The following SPATS2L variants were observed in gnomAD, a reference collection of about 807,000 sequenced individuals.
SPATS2L encodes SPATS2-like protein.
A neutral mutation model predicts 59.6 loss-of-function variants in SPATS2L; 30 were observed. The observed-to-expected ratio is 0.50, with a 90% confidence interval of 0.38 to 0.68. The LOEUF is 0.68. Among genes scored for constraint, SPATS2L ranks in the 30% least tolerant of loss-of-function variants. The pLI, the probability that SPATS2L is intolerant of heterozygous loss-of-function variation, is 0.00. For missense variants in SPATS2L, 615 were observed against 700.0 expected, an observed-to-expected ratio of 0.88 and a Z score of 1.37; for synonymous variants, 252 against 263.5, an observed-to-expected ratio of 0.96 and a Z score of 0.42.
chr2:200,476,848 T>C (rs761203663), intron 12 of SPATS2L, among the ~76,000 whole-genome samples: 34 of 152,340 alleles, frequency 2.2e-4, no homozygotes, highest in Non-Finnish European at 3.4e-4. Context: ...TCAGGTCATA[T>C]GAACAAATTG....
intron 12 of SPATS2L, 108 bp from the exon 13 acceptor site, chr2:200,477,515 TAAAAAAAAAAAAA>T (rs59073895): frequency 9.9e-6 from 3 of 302,716 alleles, no homozygotes; most frequent in African/African-American, 4.3e-5. Flanking sequence ...TTCTGGTGTA[TAAAAAAAAAAAAA>T]AAAAAAAAAA....
At position 200,478,050 on chromosome 2, in the gene SPATS2L, A is replaced by C; in HGVS notation, c.*19A>C. On this transcript the variant is annotated 3_prime_UTR_variant, in exon 13 of 13. Transcript: ENST00000409140. ...GGCCTGAGCTAGGAGGAAAAAGAGCAGTTTTCACTCAGTTTTGGTTCCCTG... is the reference window on the plus strand; with the variant it reads ...GGCCTGAGCTAGGAGGAAAAAGAGCCGTTTTCACTCAGTTTTGGTTCCCTG... 1 of 1,522,772 alleles carries C rather than the reference A, an allele frequency of 6.6e-7. No individual in the cohort carries two copies. Among genetic ancestry groups the C allele is most frequent in the Non-Finnish European group, 8.8e-7 (1 of 1,137,182 alleles). 94.3% of individuals were successfully genotyped at this position (1,522,772 alleles called of 1,614,324 possible).
intron 2 of SPATS2L, among the ~76,000 whole-genome samples, chr2:200,336,803 T>A (rs1308820336): frequency 1.3e-5 from 2 of 152,222 alleles, no homozygotes; most frequent in African/African-American, 4.8e-5. Context: ...CCTGACAAGT[T>A]CTAAATGTTA....
chr2:200,427,292 T>G (rs538050450), intron 6 of SPATS2L, among the ~76,000 whole-genome samples: 117 of 152,146 alleles, frequency 7.7e-4, no homozygotes, highest in African/African-American at 2.6e-3. Context: ...ATTGTATACC[T>G]ATATCAAAAT....
At chr2:200,458,979 G>A (rs1304192101) in intron 8 of SPATS2L, among the ~76,000 whole-genome samples, 2 of 152,092 alleles carry the variant, frequency 1.3e-5, no homozygotes, top group Non-Finnish European at 2.9e-5. Flanking sequence ...ACAGCTCCCT[G>A]CCTTTTTGCT....
intron 3 of SPATS2L, among the ~76,000 whole-genome samples, chr2:200,411,030 T>C (rs562202450): frequency 9.4e-5 from 14 of 148,428 alleles, no homozygotes; most frequent in South Asian, 2.1e-4. Flanking sequence ...TATATATATA[T>C]ACATATATAT....
At chr2:200,317,913 G>GT (rs1329357340) in intron 1 of SPATS2L, among the ~76,000 whole-genome samples, 1 of 152,220 alleles carries the variant, frequency 6.6e-6, no homozygotes, top group Non-Finnish European at 1.5e-5. Flanking sequence ...TGTTGGAGCA[G>GT]TTTTTTCCTT....
chr2:200,357,999 A>G (rs2080972958), intron 2 of SPATS2L, among the ~76,000 whole-genome samples: 1 of 152,142 alleles, frequency 6.6e-6, no homozygotes, highest in African/African-American at 2.4e-5. Context: ...TTAAGCAGCT[A>G]CTGTTCTGTC....
chr2:200,359,122 C>A (rs1189260078), intron 2 of SPATS2L, among the ~76,000 whole-genome samples: 3 of 152,158 alleles, frequency 2.0e-5, no homozygotes, highest in African/African-American at 7.2e-5. Flanking sequence ...GGATAAAAAA[C>A]TTCAAGAAAT....
intron 2 of SPATS2L, among the ~76,000 whole-genome samples, chr2:200,352,022 T>A (rs1282612052): frequency 6.6e-6 from 1 of 152,126 alleles, no homozygotes; most frequent in Non-Finnish European, 1.5e-5. Context: ...AGTTTCCCAT[T>A]TCAGTGTACA....
At chr2:200,396,432 T>G (rs2082356687) in intron 3 of SPATS2L, among the ~76,000 whole-genome samples, 1 of 152,164 alleles carries the variant, frequency 6.6e-6, no homozygotes, top group African/African-American at 2.4e-5. Flanking sequence ...ATAGAAGGTG[T>G]TCATGTCTGT....
chr2:200,470,372 A>C (rs915499570), intron 11 of SPATS2L, among the ~76,000 whole-genome samples: 1 of 152,204 alleles, frequency 6.6e-6, no homozygotes, highest in African/African-American at 2.4e-5. Context: ...GAGTCTTCCT[A>C]ACATGTCTGG....
At chr2:200,306,257 CAG>C, upstream of SPATS2L, 19 of 1,002,342 alleles carry the variant, frequency 1.9e-5, no homozygotes, top group Non-Finnish European at 2.2e-5. Flanking sequence ...CTCGTATTTG[CAG>C]ACAGTGCTGA....
intron 2 of SPATS2L, among the ~76,000 whole-genome samples, chr2:200,368,421 T>C (rs1249824285): frequency 6.6e-6 from 1 of 152,164 alleles, no homozygotes; most frequent in Non-Finnish European, 1.5e-5. Context: ...CTTATTCATG[T>C]TTAAATGAAA....
chr2:200,458,250 C>T (rs1051819908), intron 8 of SPATS2L, among the ~76,000 whole-genome samples: 3 of 151,960 alleles, frequency 2.0e-5, no homozygotes, highest in South Asian at 4.1e-4. Flanking sequence ...TTTTGCAAAC[C>T]CTATAAAATC....
chr2:200,334,661 C>T (rs894260514), intron 2 of SPATS2L, among the ~76,000 whole-genome samples: 4 of 151,868 alleles, frequency 2.6e-5, no homozygotes, highest in Middle Eastern at 3.4e-3. Flanking sequence ...ACATTTAAGT[C>T]TTTAATCCAT....
chr2:200,462,429 T>C (rs1023607216), intron 9 of SPATS2L, among the ~76,000 whole-genome samples: 1 of 152,228 alleles, frequency 6.6e-6, no homozygotes, highest in East Asian at 1.9e-4. Context: ...TCAGGCTAGC[T>C]GAAACTGCTA....
At chr2:200,400,858 G>A (rs1411641724) in intron 3 of SPATS2L, among the ~76,000 whole-genome samples, 1 of 152,040 alleles carries the variant, frequency 6.6e-6, no homozygotes, top group South Asian at 2.1e-4. Context: ...AAGTATAGAC[G>A]AAGAATTGGT....
intron 8 of SPATS2L, among the ~76,000 whole-genome samples, chr2:200,441,775 C>T (rs1164064871): frequency 6.6e-6 from 1 of 152,154 alleles, no homozygotes; most frequent in Non-Finnish European, 1.5e-5. Flanking sequence ...GGCACATATC[C>T]ACCATGCCCA....
Sources: allele counts gnomAD v4.1 joint callset (sites outside exome capture counted in the v4.1 genomes callset), GRCh38; gene constraint gnomAD v4.1.1; transcripts MANE v1.5; gene names NCBI Gene and HGNC (gene_info 2026-07-23, HGNC 2026-07-21).